TAFA2: variants seen among roughly 807,000 people sequenced by gnomAD.
The protein encoded by TAFA2 is chemokine-like protein TAFA-2.
A neutral mutation model predicts 18.8 loss-of-function variants in TAFA2; 7 were observed. The observed-to-expected ratio is 0.37, with a 90% CI of 0.21 to 0.70. The LOEUF (loss-of-function observed/expected upper bound fraction) is 0.70, where lower values mean the gene tolerates loss of function less well. Ranked by LOEUF, TAFA2 falls within the 30% of genes least tolerant of loss-of-function variation. The pLI, the probability that TAFA2 is intolerant of heterozygous loss-of-function variation, is 0.53. For missense variants in TAFA2, 122 were observed against 158.1 expected (o/e 0.77, Z 1.23); for synonymous variants, 60 against 54.2 (o/e 1.11, Z -0.47).
intron 1 of TAFA2, among the ~76,000 whole-genome samples, chr12:62,062,689 C>T (rs1002620928): frequency 3.3e-5 from 5 of 152,162 alleles, no homozygotes; most frequent in Non-Finnish European, 5.9e-5. Flanking sequence ...ATAAAGGTCT[C>T]ACCAGACTAA....
chr12:62,058,955 T>C (rs1285317698), intron 1 of TAFA2, among the ~76,000 whole-genome samples: 1 of 151,912 alleles, frequency 6.6e-6, no homozygotes, highest in African/African-American at 2.4e-5. Context: ...TACAAAAAAT[T>C]AGCCTGGCGT....
intron 2 of TAFA2, among the ~76,000 whole-genome samples, chr12:61,811,179 A>T (rs915810001): frequency 6.6e-6 from 1 of 151,436 alleles, no homozygotes; most frequent in African/African-American, 2.5e-5. Context: ...AGTAGTAATA[A>T]TGCATATGAG....
rs1240988934 is a variant in TAFA2, at chr12:61,811,429, G to T, written c.106+55891C>A. 2.6e-5 allele frequency among the ~76,000 whole-genome samples: 4 copies of T among 151,266 alleles called. No homozygotes were observed. The East Asian group carries it at 7.7e-4, about 29-fold the overall frequency. ...ACTATTAAGAAACCAGCAAGAGAAC[G>T]GCAAACTTGTAAGTTCACGGTTCAT... On this transcript the variant is annotated intron_variant, in intron 2 of 4. Transcript: ENST00000416284.
intron 1 of TAFA2, among the ~76,000 whole-genome samples, chr12:62,142,308 A>T (rs1438039377): frequency 2.6e-5 from 4 of 152,178 alleles, no homozygotes; most frequent in Non-Finnish European, 5.9e-5. Flanking sequence ...GAATAAACGA[A>T]AGTCATAAGA....
At chr12:61,881,675 A>AAGGAGAG (rs1875144792) in intron 1 of TAFA2, among the ~76,000 whole-genome samples, 1 of 152,140 alleles carries the variant, frequency 6.6e-6, no homozygotes, top group Non-Finnish European at 1.5e-5. Flanking sequence ...CCCATTGAGG[A>AAGGAGAG]CACATGGGAA....
intron 1 of TAFA2, among the ~76,000 whole-genome samples, chr12:62,151,957 G>C (rs1180718475): frequency 5.3e-5 from 8 of 152,200 alleles, no homozygotes; most frequent in Admixed American, 5.2e-4. Context: ...TGGTTCTAGG[G>C]AGGAATAGGG....
chr12:62,015,428 A>G (rs1880903504), intron 1 of TAFA2, among the ~76,000 whole-genome samples: 1 of 152,244 alleles, frequency 6.6e-6, no homozygotes, highest in African/African-American at 2.4e-5. Flanking sequence ...ACAGGAGAAG[A>G]ATAAGAGTTC....
intron 1 of TAFA2, among the ~76,000 whole-genome samples, chr12:62,173,260 A>G (rs774801052): frequency 2.1e-4 from 32 of 152,130 alleles, no homozygotes; most frequent in Non-Finnish European, 4.0e-4. Flanking sequence ...TAAAAATACG[A>G]AAAAAATTAG....
rs1272839387 is a variant in TAFA2 at position 61,710,341 on chromosome 12, T to A, written c.*65A>T. On this transcript the variant is annotated 3_prime_UTR_variant, in exon 5 of 5. Transcript: ENST00000416284. ...AAATCTTCAAGATCACCTCAGGAGTTGAGTTAAGTTTCTATGCGCATGTTC... is the reference window on the plus strand; with the variant it reads ...AAATCTTCAAGATCACCTCAGGAGTAGAGTTAAGTTTCTATGCGCATGTTC... 5 of 1,489,568 alleles carry A rather than the reference T, an allele frequency of 3.4e-6. No individual in the cohort carries two copies. The highest frequency in any genetic ancestry group is 4.7e-6 in the Non-Finnish European group (5 of 1,067,374). 92.3% of individuals were successfully genotyped at this position (1,489,568 alleles called of 1,614,324 possible).
chr12:62,186,137 A>G (rs1253705221), intron 1 of TAFA2, among the ~76,000 whole-genome samples: 1 of 152,152 alleles, frequency 6.6e-6, no homozygotes, highest in Non-Finnish European at 1.5e-5. Context: ...ACCCAAAGAA[A>G]GTCAAAGTGT....
chr12:61,950,500 T>C (rs1878428820), intron 1 of TAFA2, among the ~76,000 whole-genome samples: 1 of 152,138 alleles, frequency 6.6e-6, no homozygotes, highest in Non-Finnish European at 1.5e-5. Context: ...TTTTCATTCC[T>C]ATGACGATTA....
chr12:62,158,602 T>C (rs571508345), intron 1 of TAFA2, among the ~76,000 whole-genome samples: 137 of 152,336 alleles, frequency 9.0e-4, no homozygotes, highest in African/African-American at 2.9e-3. Flanking sequence ...TCATCTTAAA[T>C]CTTCATTGCA....
chr12:62,037,368 A>G (rs934102376), intron 1 of TAFA2, among the ~76,000 whole-genome samples: 1 of 152,254 alleles, frequency 6.6e-6, no homozygotes, highest in Non-Finnish European at 1.5e-5. Flanking sequence ...CTTCTGATCC[A>G]TGAACAGGAT....
chr12:62,003,311 C>G (rs1204904259), intron 1 of TAFA2, among the ~76,000 whole-genome samples: 6 of 152,124 alleles, frequency 3.9e-5, no homozygotes, highest in South Asian at 2.1e-4. Context: ...ACCGCACCCC[C>G]TTATGTCTGA....
At position 61,765,884 on chromosome 12, in the gene TAFA2, A is replaced by G. The variant is rs192014235; in HGVS notation, c.107-10860T>C. On this transcript the variant is annotated intron_variant, in intron 2 of 4. Transcript: ENST00000416284. The stretch of plus-strand genomic sequence containing the variant: ...GATGAGAAAACATAATCCTAATTCT[A>G]TATCACAGAGCTAGAGAGGAGGAGA... Among the ~76,000 whole-genome samples the G allele has an allele frequency of 5.9e-5, 9 of 152,244 alleles. No individual in the cohort carries two copies. In the East Asian group the frequency reaches 1.7e-3, roughly 30 times the overall value.
intron 1 of TAFA2, among the ~76,000 whole-genome samples, chr12:61,908,587 C>CA (rs1387918518): frequency 2.0e-5 from 3 of 151,890 alleles, no homozygotes; most frequent in Admixed American, 1.3e-4. Context: ...CAGGTACGCT[C>CA]AAAAAAACAC....
At chr12:62,083,674 C>T (rs192996849) in intron 1 of TAFA2, among the ~76,000 whole-genome samples, 12 of 152,194 alleles carry the variant, frequency 7.9e-5, no homozygotes, top group African/African-American at 2.9e-4. Context: ...GTTCATCTTC[C>T]AAAGTTTTAA....
At chr12:62,183,370 GTTTTGT>G in intron 1 of TAFA2, among the ~76,000 whole-genome samples, 1 of 152,208 alleles carries the variant, frequency 6.6e-6, no homozygotes, top group Admixed American at 6.5e-5. Context: ...TCAGTCTGTG[GTTTTGT>G]TTTTGTTTGT....
intron 2 of TAFA2, among the ~76,000 whole-genome samples, chr12:61,785,319 T>TTTTGTGTG (rs1489246068): frequency 7.1e-6 from 1 of 140,192 alleles, no homozygotes; most frequent in South Asian, 2.3e-4. Context: ...AATAGTATTC[T>TTTTGTGTG]TGTGTGTGTG....
Sources: gnomAD v4.1 joint callset for allele counts (sites outside exome capture counted in the v4.1 genomes callset) on GRCh38, gnomAD v4.1.1 for gene constraint, MANE v1.5 for transcripts, NCBI Gene and HGNC (gene_info 2026-07-23, HGNC 2026-07-21) for gene names.